The following ATG4B variants were observed in gnomAD, a reference collection of about 807,000 sequenced individuals.
ATG4B encodes autophagy related 4B cysteine peptidase, also known as cysteine protease ATG4B.
A neutral mutation model predicts 56.6 loss-of-function variants in ATG4B; 29 were observed. That is an observed-to-expected ratio of 0.51 (90% CI 0.38 to 0.70). The LOEUF is 0.70. ATG4B is among the 30% of genes least tolerant of loss of function. ATG4B has a pLI of 0.00. For missense variants in ATG4B, 461 were observed against 515.5 expected (o/e 0.89, Z 1.02); for synonymous variants, 224 against 206.1 (o/e 1.09, Z -0.74).
chr2:241,670,041 CCT>C (rs1370927573), intron 10 of ATG4B, among the ~76,000 whole-genome samples: 1 of 152,130 alleles, frequency 6.6e-6, no homozygotes, highest in Admixed American at 6.5e-5. Context: ...AGGAATGTCC[CCT>C]GTCCCCGGGG....
intron 7 of ATG4B, among the ~76,000 whole-genome samples, chr2:241,662,700 G>A (rs994015484): frequency 2.0e-5 from 3 of 152,246 alleles, no homozygotes; most frequent in Admixed American, 2.0e-4. Flanking sequence ...TCACCACCGG[G>A]AAGCCTTTCT....
intron 7 of ATG4B, among the ~76,000 whole-genome samples, chr2:241,661,334 G>A (rs560024132): frequency 6.6e-6 from 1 of 152,298 alleles, no homozygotes; most frequent in Admixed American, 6.5e-5. Context: ...CACAAGGCTT[G>A]GGTTTCTGGG....
chr2:241,655,811 C>T (rs1299562070), intron 6 of ATG4B, among the ~76,000 whole-genome samples: 3 of 152,232 alleles, frequency 2.0e-5, no homozygotes, highest in Admixed American at 6.5e-5. Flanking sequence ...CTGCTCCGCA[C>T]CGCTTCCTTT....
At chr2:241,643,663 C>CGTGTGTGTGTGTGTGT (rs369340875) in intron 1 of ATG4B, among the ~76,000 whole-genome samples, 25 of 135,598 alleles carry the variant, frequency 1.8e-4, no homozygotes, top group African/African-American at 6.5e-4. Flanking sequence ...TATATATATA[C>CGTGTGTGTGTGTGTGT]GTGTGTGTGT....
At chr2:241,643,364 A>ATTT (rs71049595) in intron 1 of ATG4B, among the ~76,000 whole-genome samples, 2,198 of 109,726 alleles carry the variant, frequency 0.02, 41 homozygotes, top group African/African-American at 0.029. Flanking sequence ...ACGCCTAGCT[A>ATTT]TTTTTTTTTT....
chr2:241,659,690 G>T (rs1235944331), intron 7 of ATG4B: 3 of 257,974 alleles, frequency 1.2e-5, no homozygotes, highest in Admixed American at 1.0e-4. Context: ...CTGTGGCTCA[G>T]TTTTAACAAA....
chr2:241,655,414 G>T (rs2068367465), intron 6 of ATG4B, 71 bp downstream of exon 6: 2 of 1,464,572 alleles, frequency 1.4e-6, no homozygotes, highest in Non-Finnish European at 1.9e-6. Context: ...TTCTCCTTGA[G>T]TCTTCATGGC....
At chr2:241,662,390 A>G (rs2068616401) in intron 7 of ATG4B, among the ~76,000 whole-genome samples, 1 of 152,206 alleles carries the variant, frequency 6.6e-6, no homozygotes, top group Non-Finnish European at 1.5e-5. Flanking sequence ...ATGAGGTGAG[A>G]GTAGGTATGT....
intron 5 of ATG4B, 76 bp downstream of exon 5, chr2:241,654,723 C>T (rs964053799): frequency 4.2e-6 from 5 of 1,203,036 alleles, no homozygotes; most frequent in Non-Finnish European, 6.0e-6. Context: ...CCCCTCAGAG[C>T]TTTTCTGGTG....
At chr2:241,665,697 G>A (rs978731729) in intron 7 of ATG4B, among the ~76,000 whole-genome samples, 1 of 152,182 alleles carries the variant, frequency 6.6e-6, no homozygotes. Flanking sequence ...TTTTTCCTTT[G>A]TAATTAATGA....
chr2:241,653,507 G>T lies in ATG4B; in HGVS notation c.185-5G>T. ...GAGCACTTCTCTCTCTGTCTGCCAC[G>T]ACAGGGGGGACAGGCCCCACCTCGG... On this transcript the variant is annotated splice_polypyrimidine_tract_variant and splice_region_variant and intron_variant, in intron 3 of 12. Transcript: ENST00000404914. The T allele has an allele frequency of 6.4e-7, 1 of 1,573,908 alleles. No homozygotes were observed. Among genetic ancestry groups the T allele is most frequent in the South Asian group, 1.2e-5 (1 of 85,502 alleles).
intron 1 of ATG4B, among the ~76,000 whole-genome samples, chr2:241,646,065 A>G (rs2068052350): frequency 6.6e-6 from 1 of 152,164 alleles, no homozygotes; most frequent in Admixed American, 6.5e-5. Context: ...GAGGCCACAC[A>G]CCTGTAATTT....
At chr2:241,642,898 T>TTTTTTTA (rs869121991) in intron 1 of ATG4B, among the ~76,000 whole-genome samples, 20 of 141,002 alleles carry the variant, frequency 1.4e-4, no homozygotes, top group Non-Finnish European at 2.6e-4. Flanking sequence ...TTTTTTTTTT[T>TTTTTTTA]AAGACGGAGT....
rs1400542165 is a variant in ATG4B, at chr2:241,673,639, G to A, written c.*1375G>A. 4.4e-6 allele frequency: 2 copies of A among 456,336 alleles called. No homozygotes were observed. The highest frequency in any genetic ancestry group is 2.0e-5 in the African/African-American group (1 of 50,042). 28.3% of individuals were successfully genotyped at this position (456,336 alleles called of 1,614,324 possible). Reference sequence around the variant, plus strand: ...TGGGTGTAGTTGGGGTGGGGAAGCAGGGAAGGCTGGTGCGATCTCCATTCC... The same window carrying A: ...TGGGTGTAGTTGGGGTGGGGAAGCAAGGAAGGCTGGTGCGATCTCCATTCC... On this transcript the variant is annotated 3_prime_UTR_variant, in exon 13 of 13. Transcript: ENST00000404914.
chr2:241,673,807 G>C lies in ATG4B; in HGVS notation c.*1543G>C, dbSNP rs1375659369. The C allele has an allele frequency of 1.4e-5, 6 of 440,108 alleles. No homozygotes were observed. Among genetic ancestry groups the C allele is most frequent in the Non-Finnish European group, 2.3e-5 (5 of 215,356 alleles). 27.3% of individuals were successfully genotyped at this position (440,108 alleles called of 1,614,324 possible). On this transcript the variant is annotated 3_prime_UTR_variant, in exon 13 of 13. Coordinates refer to ENST00000404914, the MANE Select transcript of ATG4B (RefSeq NM_013325.5). Reference sequence around the variant, plus strand: ...AAGAGAATGTTGTTCATTCTTAGTAGTATAGTTTGCAATTCTTAATGGCAA... The same window carrying C: ...AAGAGAATGTTGTTCATTCTTAGTACTATAGTTTGCAATTCTTAATGGCAA...
In ATG4B at chr2:241,672,343, G is replaced by A. The variant is rs372884704; in HGVS notation, c.*79G>A. 1.3e-5 allele frequency: 17 copies of A among 1,322,572 alleles called. No individual in the cohort carries two copies. Among genetic ancestry groups the A allele is most frequent in the South Asian group, 2.6e-5 (2 of 78,380 alleles). The allele number at this position is 1,322,572 out of a possible 1,614,324, so 81.9% of individuals were successfully genotyped here. A position where few individuals can be genotyped will look rare whatever the true frequency, so the allele number is the denominator to read the frequency against. ...TGCGTTTCATCCATCCCGCCCGCTC[G>A]CCTGCCGAGGGCTGCGCCCCGTGCT... On this transcript the variant is annotated 3_prime_UTR_variant, in exon 13 of 13. Coordinates refer to ENST00000404914, the MANE Select transcript of ATG4B (RefSeq NM_013325.5).
intron 1 of ATG4B, among the ~76,000 whole-genome samples, chr2:241,641,406 C>T (rs183737218): frequency 9.2e-5 from 14 of 152,194 alleles, no homozygotes; most frequent in South Asian, 2.1e-4. Flanking sequence ...AAAAATTAGC[C>T]GGGCATAGTG....
At chr2:241,655,411 T>C (rs914490193) in intron 6 of ATG4B, 68 bp downstream of exon 6, 3 of 1,456,788 alleles carry the variant, frequency 2.1e-6, no homozygotes, top group Non-Finnish European at 1.9e-6. Flanking sequence ...AAATTCTCCT[T>C]GAGTCTTCAT....
chr2:241,642,491 T>C (rs1313232166), intron 1 of ATG4B, among the ~76,000 whole-genome samples: 1 of 152,196 alleles, frequency 6.6e-6, no homozygotes, highest in Non-Finnish European at 1.5e-5. Context: ...ATATAAATCT[T>C]TTGGAAAATA....
Sources: allele counts gnomAD v4.1 joint callset (sites outside exome capture counted in the v4.1 genomes callset), GRCh38; gene constraint gnomAD v4.1.1; transcripts MANE v1.5; gene names NCBI Gene and HGNC (gene_info 2026-07-23, HGNC 2026-07-21).